Variants in RARB observed in about 807,000 individuals in gnomAD.
RARB encodes retinoic acid receptor beta.
In RARB, 17 loss-of-function variants were observed where a neutral mutation model predicts 51.9. That is an observed-to-expected ratio of 0.33 (90% CI 0.22 to 0.49). The LOEUF (loss-of-function observed/expected upper bound fraction) is 0.49, where lower values mean the gene tolerates loss of function less well. Among genes scored for constraint, RARB ranks in the 20% least tolerant of loss-of-function variants. RARB has a pLI of 0.99. For synonymous variants in RARB, 215 were observed against 195.4 expected (o/e 1.10, Z -0.84); for missense variants, 369 against 550.8 (o/e 0.67, Z 3.30).
chr3:25,406,304 G>A (rs578257548), intron 5 of RARB, among the ~76,000 whole-genome samples: 3 of 152,302 alleles, frequency 2.0e-5, no homozygotes, highest in Non-Finnish European at 2.9e-5. Flanking sequence ...AAAGAAGCAC[G>A]CAACCTCCAT....
intron 7 of RARB, 58 bp downstream of exon 7, chr3:25,594,736 G>C (rs1481080502): frequency 7.1e-7 from 1 of 1,414,782 alleles, no homozygotes; most frequent in African/African-American, 1.5e-5. Flanking sequence ...GCCTTACCAG[G>C]TTGTGTTGCT....
intron 2 of RARB, among the ~76,000 whole-genome samples, chr3:24,986,788 C>T (rs1325023081): frequency 6.6e-6 from 1 of 152,114 alleles, no homozygotes; most frequent in Non-Finnish European, 1.5e-5. Flanking sequence ...TGATTCACAT[C>T]GCAGCCTTCA....
intron 2 of RARB, among the ~76,000 whole-genome samples, chr3:24,971,750 T>C (rs903968689): frequency 6.6e-6 from 1 of 152,046 alleles, no homozygotes; most frequent in Non-Finnish European, 1.5e-5. Flanking sequence ...GGGCTTGGTA[T>C]GCGCTGGCTA....
intron 2 of RARB, among the ~76,000 whole-genome samples, chr3:24,988,461 T>C (rs1247737593): frequency 6.6e-6 from 1 of 152,224 alleles, no homozygotes; most frequent in Non-Finnish European, 1.5e-5. Context: ...AACATTAAAA[T>C]TAATCCATGT....
At chr3:25,095,622 G>C (rs770010932) in intron 3 of RARB, among the ~76,000 whole-genome samples, 10 of 152,168 alleles carry the variant, frequency 6.6e-5, no homozygotes, top group South Asian at 2.1e-4. Flanking sequence ...AAGGCATTCA[G>C]ATTTGTATTG....
At chr3:25,116,083 A>G (rs989374716) in intron 3 of RARB, among the ~76,000 whole-genome samples, 2 of 152,158 alleles carry the variant, frequency 1.3e-5, no homozygotes, top group African/African-American at 4.8e-5. Context: ...CATTGACTAA[A>G]CTTCTGCTCT....
intron 3 of RARB, among the ~76,000 whole-genome samples, chr3:25,104,230 T>A (rs974688862): frequency 2.0e-5 from 3 of 152,178 alleles, no homozygotes; most frequent in Non-Finnish European, 4.4e-5. Flanking sequence ...AATACCAAGT[T>A]TTCACAAGGC....
At chr3:25,146,568 C>T (rs1057221316) in intron 4 of RARB, among the ~76,000 whole-genome samples, 4 of 143,984 alleles carry the variant, frequency 2.8e-5, no homozygotes, top group African/African-American at 7.7e-5. Flanking sequence ...AGTGCAATGG[C>T]GCGATCTCGG....
At chr3:25,033,617 C>G (rs1240683082) in intron 2 of RARB, among the ~76,000 whole-genome samples, 2 of 152,062 alleles carry the variant, frequency 1.3e-5, no homozygotes, top group Non-Finnish European at 2.9e-5. Context: ...AGAAGAGCTC[C>G]CCCTGGAGGA....
rs563810462 is a variant in RARB, at chr3:25,577,707, C to T, written c.610-2839C>T. On this transcript the variant is annotated intron_variant, in intron 4 of 7. Coordinates refer to ENST00000330688, the MANE Select transcript of RARB (RefSeq NM_000965.5). ...CCTTTATGGGTCTTGTTCTGAAAGT[C>T]CTGCCAGTCCAGGAAGGCAGCCCGT... 3.7e-4 allele frequency among the ~76,000 whole-genome samples: 57 copies of T among 152,310 alleles called. No individual in the cohort carries two copies. In the South Asian group the frequency reaches 0.011, roughly 29 times the overall value.
intron 1 of RARB, among the ~76,000 whole-genome samples, chr3:24,850,222 A>T (rs973082766): frequency 7.2e-4 from 110 of 152,180 alleles, no homozygotes; most frequent in African/African-American, 2.6e-3. Flanking sequence ...ACTGGGGGTT[A>T]AGTTTCCACC....
chr3:25,218,177 C>T (rs1701874326), intron 5 of RARB, among the ~76,000 whole-genome samples: 1 of 152,064 alleles, frequency 6.6e-6, no homozygotes, highest in South Asian at 2.1e-4. Flanking sequence ...TGTGGGCTCC[C>T]CAGGCAGAGG....
Position 25,569,812 on chromosome 3 carries a change from C to G in RARB, c.503C>G (p.Thr168Arg). 3.1e-6 allele frequency: 5 copies of G among 1,614,192 alleles called. No homozygotes were observed. Among genetic ancestry groups the G allele is most frequent in the African/African-American group, 1.3e-5 (1 of 75,050 alleles). The change falls in exon 4 of 8, where the codon ACA (threonine) becomes AGA (arginine). Residue 168 changes from threonine (T) to arginine (R), a missense_variant. This residue lies in a region of RARB where 46 missense variants were observed against 43.2 expected (regional missense o/e 1.07). Coordinates refer to ENST00000330688, the MANE Select transcript of RARB (RefSeq NM_000965.5). ...KKKETSKQECTESYEMTAELD... is the reference protein window; with the variant it reads ...KKKETSKQECRESYEMTAELD... The stretch of plus-strand genomic sequence containing the variant: ...AAGGAGACTTCGAAGCAAGAATGCA[C>G]AGAGAGCTATGAAATGACAGCTGAG...
chr3:25,319,632 C>T (rs533186388), intron 5 of RARB, among the ~76,000 whole-genome samples: 86 of 141,218 alleles, frequency 6.1e-4, no homozygotes, highest in South Asian at 1.0e-3. Flanking sequence ...TGATTGCATG[C>T]GTGCATGGCA....
At chr3:25,313,229 T>C (rs1439334090) in intron 5 of RARB, among the ~76,000 whole-genome samples, 1 of 152,166 alleles carries the variant, frequency 6.6e-6, no homozygotes, top group African/African-American at 2.4e-5. Context: ...CTAGGGTGAG[T>C]GACCCTGGCT....
intron 2 of RARB, among the ~76,000 whole-genome samples, chr3:25,478,567 G>A (rs1529671): frequency 0.98 from 148,710 of 152,332 alleles, 72,623 homozygotes; most frequent in East Asian, 1. Flanking sequence ...GTTAAATGGC[G>A]GATGGACATG....
intron 1 of RARB, among the ~76,000 whole-genome samples, chr3:25,437,006 G>A (rs1400550897): frequency 6.6e-6 from 1 of 152,086 alleles, no homozygotes; most frequent in Non-Finnish European, 1.5e-5. Flanking sequence ...TAGAGATCAT[G>A]TAAATTAAGA....
chr3:25,157,564 A>AC (rs1384309396), intron 4 of RARB, among the ~76,000 whole-genome samples: 1 of 88,930 alleles, frequency 1.1e-5, no homozygotes, highest in Non-Finnish European at 2.6e-5. Flanking sequence ...CACCCAGCTA[A>AC]TTTTTTATTT....
chr3:24,968,051 G>T (rs1696315918), intron 2 of RARB, among the ~76,000 whole-genome samples: 1 of 152,058 alleles, frequency 6.6e-6, no homozygotes, highest in African/African-American at 2.4e-5. Context: ...TTTTTGTTTG[G>T]TTTGGTTGTT....
Sources: gnomAD v4.1 joint callset for allele counts (sites outside exome capture counted in the v4.1 genomes callset) on GRCh38, gnomAD v4.1.1 for gene constraint, gnomAD v4.1.1 regional missense constraint, MANE v1.5 for transcripts, NCBI Gene and HGNC (gene_info 2026-07-23, HGNC 2026-07-21) for gene names.